GPM6B: variants seen among roughly 807,000 people sequenced by gnomAD.
GPM6B encodes the protein glycoprotein M6B, also known as neuronal membrane glycoprotein M6-b.
GPM6B carries 4 observed loss-of-function variants against 27.2 expected under a neutral mutation model. That is an observed-to-expected ratio of 0.15 (90% CI 0.07 to 0.34). The LOEUF is 0.34. GPM6B is among the 10% of genes least tolerant of loss of function. The probability of loss-of-function intolerance (pLI) is 1.00; values close to 1 mark genes in which losing one functional copy is unlikely to be tolerated. For synonymous variants in GPM6B, 124 were observed against 103.1 expected, an observed-to-expected ratio of 1.20 and a Z score of -1.23; for missense variants, 183 against 261.9, an observed-to-expected ratio of 0.70 and a Z score of 2.08.
intron 1 of GPM6B, among the ~76,000 whole-genome samples, chrX:13,846,086 C>T (rs1230548202): frequency 9.0e-6 from 1 of 111,052 alleles, no homozygotes; most frequent in Admixed American, 9.6e-5. Context: ...CATTTTCCAC[C>T]TTTCCCTTCC....
chrX:13,787,262 A>G (rs1162079096), intron 2 of GPM6B, among the ~76,000 whole-genome samples: 1 of 111,781 alleles, frequency 8.9e-6, no homozygotes, highest in Non-Finnish European at 1.9e-5. Context: ...GCTTCATAAG[A>G]AAGCTGTGCT....
intron 1 of GPM6B, among the ~76,000 whole-genome samples, chrX:13,843,988 G>C (rs2049613375): frequency 8.9e-6 from 1 of 111,948 alleles, no homozygotes; most frequent in Admixed American, 9.4e-5. Flanking sequence ...CCAAGGTCAT[G>C]AAGATTTACT....
chrX:13,798,908 C>T (rs1275821359), intron 2 of GPM6B, among the ~76,000 whole-genome samples: 2 of 112,308 alleles, frequency 1.8e-5, no homozygotes, highest in African/African-American at 6.5e-5. Context: ...CAGAAACTCC[C>T]CCGGATTGGG....
intron 1 of GPM6B, among the ~76,000 whole-genome samples, chrX:13,846,489 ATTTT>A (rs2049647819): frequency 1.8e-5 from 2 of 109,420 alleles, no homozygotes; most frequent in Admixed American, 1.9e-4. Flanking sequence ...CTTTTTTTTT[ATTTT>A]TTATTTCATT....
chrX:13,904,195 A>C (rs1195337688), intron 1 of GPM6B, among the ~76,000 whole-genome samples: 3 of 112,472 alleles, frequency 2.7e-5, no homozygotes, highest in Non-Finnish European at 5.6e-5. Flanking sequence ...ATATAAATGT[A>C]GAATACATAT....
intron 1 of GPM6B, among the ~76,000 whole-genome samples, chrX:13,895,039 T>C (rs2050220590): frequency 8.9e-6 from 1 of 111,938 alleles, no homozygotes; most frequent in Non-Finnish European, 1.9e-5. Flanking sequence ...CCTTGCCAAG[T>C]GAATATTTTC....
At chrX:13,815,192 A>AT (rs1483214812) in intron 1 of GPM6B, among the ~76,000 whole-genome samples, 1 of 111,871 alleles carries the variant, frequency 8.9e-6, no homozygotes, top group Non-Finnish European at 1.9e-5. Context: ...TAAAAAAGGG[A>AT]TTTTTTTGCA....
intron 2 of GPM6B, among the ~76,000 whole-genome samples, chrX:13,798,408 G>C (rs781273436): frequency 9.1e-6 from 1 of 109,409 alleles, no homozygotes; most frequent in Non-Finnish European, 1.9e-5. Flanking sequence ...AATAAAGGGC[G>C]CTGAGGAAGA....
At chrX:13,818,265 CA>C (rs2049269487), upstream of GPM6B, among the ~76,000 whole-genome samples, 1 of 112,202 alleles carries the variant, frequency 8.9e-6, no homozygotes, top group Non-Finnish European at 1.9e-5. Flanking sequence ...ATAGGATTCC[CA>C]GATCATGAAT....
rs1466386191 is a variant in GPM6B, at chrX:13,888,663, C to T, written c.-198+49664G>A. 4.5e-5 allele frequency among the ~76,000 whole-genome samples: 5 copies of T among 111,721 alleles called. No individual in the cohort carries two copies. The South Asian group carries it at 1.1e-3, about 26-fold the overall frequency. ...GGTTCCTGCAGTCCCTCGCCACCACCAACCCCCACCCCCTTTTTTTTCCTG... is the reference window on the plus strand; with the variant it reads ...GGTTCCTGCAGTCCCTCGCCACCACTAACCCCCACCCCCTTTTTTTTCCTG... On this transcript the variant is annotated intron_variant, in intron 1 of 6. Coordinates refer to the GPM6B transcript ENST00000398361.
intron 2 of GPM6B, among the ~76,000 whole-genome samples, chrX:13,804,109 T>C (rs1247334682): frequency 9.0e-6 from 1 of 111,577 alleles, no homozygotes; most frequent in Non-Finnish European, 1.9e-5. Flanking sequence ...CTGGAAGTCT[T>C]ATGAAAATGC....
At chrX:13,847,739 A>G (rs1394939801) in intron 1 of GPM6B, among the ~76,000 whole-genome samples, 1 of 112,295 alleles carries the variant, frequency 8.9e-6, no homozygotes, top group Non-Finnish European at 1.9e-5. Flanking sequence ...GCAACTTTAC[A>G]AATACGATTT....
intron 1 of GPM6B, among the ~76,000 whole-genome samples, chrX:13,910,323 C>T (rs773731492): frequency 8.9e-5 from 10 of 112,584 alleles, no homozygotes; most frequent in Admixed American, 3.7e-4. Context: ...GTGAGTGGGG[C>T]CAGGCATCGG....
At chrX:13,933,082 GT>G (rs1376855180) in intron 1 of GPM6B, among the ~76,000 whole-genome samples, 1 of 111,670 alleles carries the variant, frequency 9.0e-6, no homozygotes, top group Non-Finnish European at 1.9e-5. Flanking sequence ...GTACATCAAT[GT>G]TAATTTAAAT....
At chrX:13,835,671 A>G (rs1476638829) in intron 1 of GPM6B, among the ~76,000 whole-genome samples, 1 of 112,359 alleles carries the variant, frequency 8.9e-6, no homozygotes, top group African/African-American at 3.2e-5. Flanking sequence ...AGTATTAAAT[A>G]CAACATGTAG....
chrX:13,866,900 G>A (rs1292012112), intron 1 of GPM6B, among the ~76,000 whole-genome samples: 9 of 111,677 alleles, frequency 8.1e-5, no homozygotes, highest in Non-Finnish European at 1.3e-4. Flanking sequence ...AAGGGAAAAG[G>A]AAAAAACATG....
intron 1 of GPM6B, among the ~76,000 whole-genome samples, chrX:13,929,701 G>A (rs1319130504): frequency 1.8e-5 from 2 of 111,214 alleles, no homozygotes; most frequent in Non-Finnish European, 3.8e-5. Flanking sequence ...ACAACTAGAG[G>A]ACTGTTACAA....
chrX:13,923,402 T>C (rs777961699), intron 1 of GPM6B, among the ~76,000 whole-genome samples: 1 of 111,650 alleles, frequency 9.0e-6, no homozygotes, highest in Non-Finnish European at 1.9e-5. Context: ...TAAACAAAAG[T>C]TTGAGGCCTT....
At chrX:13,871,273 T>C (rs1327366194) in intron 1 of GPM6B, among the ~76,000 whole-genome samples, 5 of 111,412 alleles carry the variant, frequency 4.5e-5, no homozygotes, top group African/African-American at 1.3e-4. Flanking sequence ...ACTGGTTAAT[T>C]CCATCTTCTT....
Sources: allele counts gnomAD v4.1 joint callset (sites outside exome capture counted in the v4.1 genomes callset), GRCh38; gene constraint gnomAD v4.1.1; transcripts MANE v1.5; gene names NCBI Gene and HGNC (gene_info 2026-07-23, HGNC 2026-07-21).